HHAT: variants seen among roughly 807,000 people sequenced by gnomAD.
The protein encoded by HHAT is hedgehog acyltransferase, also known as protein-cysteine N-palmitoyltransferase HHAT.
In HHAT, 47 loss-of-function variants were observed where a neutral mutation model predicts 70.8. The ratio of observed to expected loss-of-function variants is 0.66; its 90% CI spans 0.53 to 0.85. The LOEUF (loss-of-function observed/expected upper bound fraction) is 0.85, where lower values mean the gene tolerates loss of function less well. Among genes scored for constraint, HHAT ranks in the 40% least tolerant of loss-of-function variants. The pLI, the probability that HHAT is intolerant of heterozygous loss-of-function variation, is 0.00. For synonymous variants in HHAT, 228 were observed against 247.6 expected, an observed-to-expected ratio of 0.92 and a Z score of 0.74; for missense variants, 609 against 604.8, an observed-to-expected ratio of 1.01 and a Z score of -0.07.
chr1:210,514,126 C>T (rs2095010130), intron 9 of HHAT, among the ~76,000 whole-genome samples: 2 of 152,266 alleles, frequency 1.3e-5, no homozygotes, highest in African/African-American at 2.4e-5. Flanking sequence ...TTGACATCAC[C>T]TTTATCCCCA....
At chr1:210,339,218 A>AT (rs112975981) in intron 1 of HHAT, among the ~76,000 whole-genome samples, 8 of 152,138 alleles carry the variant, frequency 5.3e-5, no homozygotes, top group East Asian at 1.9e-4. Flanking sequence ...TTGGGAACAT[A>AT]TTTTTTTTCC....
intron 9 of HHAT, among the ~76,000 whole-genome samples, chr1:210,566,284 A>G (rs1390123821): frequency 6.6e-6 from 1 of 152,166 alleles, no homozygotes; most frequent in Non-Finnish European, 1.5e-5. Context: ...TTAAGCATAT[A>G]GGTTATCTAT....
At chr1:210,556,126 C>T (rs911349527) in intron 9 of HHAT, among the ~76,000 whole-genome samples, 2 of 152,026 alleles carry the variant, frequency 1.3e-5, no homozygotes, top group African/African-American at 2.4e-5. Context: ...CTCCCCTTCT[C>T]GTGGTCTTTT....
At chr1:210,427,705 A>G (rs573550494) in intron 7 of HHAT, among the ~76,000 whole-genome samples, 1 of 151,964 alleles carries the variant, frequency 6.6e-6, no homozygotes, top group African/African-American at 2.4e-5. Flanking sequence ...TTTGCTGAGG[A>G]GTGTTTTCTG....
At chr1:210,535,682 C>T (rs969056291) in intron 9 of HHAT, among the ~76,000 whole-genome samples, 3 of 152,064 alleles carry the variant, frequency 2.0e-5, no homozygotes, top group Non-Finnish European at 2.9e-5. Context: ...TGTGTGCATG[C>T]GTGCATGCAT....
At chr1:210,401,162 T>C (rs1471330173) in intron 5 of HHAT, among the ~76,000 whole-genome samples, 1 of 152,214 alleles carries the variant, frequency 6.6e-6, no homozygotes, top group Non-Finnish European at 1.5e-5. Flanking sequence ...CACCCAGGGC[T>C]GAAGTGCAGT....
intron 8 of HHAT, among the ~76,000 whole-genome samples, chr1:210,501,106 G>A (rs1388072157): frequency 6.6e-6 from 1 of 152,174 alleles, no homozygotes; most frequent in Non-Finnish European, 1.5e-5. Flanking sequence ...TGGATTCATT[G>A]CATCACTTAT....
intron 6 of HHAT, among the ~76,000 whole-genome samples, chr1:210,410,626 A>G (rs1362544181): frequency 1.3e-5 from 2 of 149,520 alleles, no homozygotes; most frequent in Non-Finnish European, 3.0e-5. Context: ...TCCCAGGTTC[A>G]AGCGATTCTC....
chr1:210,400,448 A>G lies in HHAT; in HGVS notation c.274-20A>G, dbSNP rs749158815. On this transcript the variant is annotated intron_variant, in intron 4 of 11. Transcript: ENST00000261458. ...CCTCTTCCTCCCTGTCTCTCTCTGG[A>G]TGGGCCCCACCATTTGCAGCACAGA... 3 of 1,584,772 alleles carry G rather than the reference A, an allele frequency of 1.9e-6. No homozygotes were observed. Among genetic ancestry groups the G allele is most frequent in the South Asian group, 1.2e-5 (1 of 86,348 alleles).
chr1:210,633,181 C>T (rs182887599), intron 11 of HHAT, among the ~76,000 whole-genome samples: 595 of 152,262 alleles, frequency 3.9e-3, no homozygotes, highest in African/African-American at 0.014. Flanking sequence ...GGGAGAGGTA[C>T]TGAGATGGGC....
intron 3 of HHAT, among the ~76,000 whole-genome samples, chr1:210,386,510 T>C (rs1012739384): frequency 1.3e-5 from 2 of 151,992 alleles, no homozygotes; most frequent in South Asian, 4.2e-4. Context: ...AGTGCTGGGA[T>C]TACAGGCGTG....
intron 9 of HHAT, among the ~76,000 whole-genome samples, chr1:210,585,779 G>T (rs1660305654): frequency 1.3e-5 from 2 of 152,132 alleles, no homozygotes; most frequent in Non-Finnish European, 2.9e-5. Context: ...GGAGCAAGGT[G>T]GGGGTCATTG....
chr1:210,670,630 C>T (rs1423640900), intron 11 of HHAT, among the ~76,000 whole-genome samples: 1 of 152,142 alleles, frequency 6.6e-6, no homozygotes, highest in African/African-American at 2.4e-5. Context: ...TCTGTCATCA[C>T]AAATCTTACT....
chr1:210,371,829 G>A (rs1165010165), intron 3 of HHAT, among the ~76,000 whole-genome samples: 1 of 152,078 alleles, frequency 6.6e-6, no homozygotes, highest in African/African-American at 2.4e-5. Flanking sequence ...AACCCCAGTG[G>A]GCATATTCAC....
At chr1:210,476,999 T>C (rs1000334712) in intron 8 of HHAT, among the ~76,000 whole-genome samples, 1 of 152,234 alleles carries the variant, frequency 6.6e-6, no homozygotes, top group Admixed American at 6.5e-5. Flanking sequence ...ACTGTAAATA[T>C]GTTTGAATAT....
At chr1:210,389,095 A>C (rs2091279750) in intron 4 of HHAT, among the ~76,000 whole-genome samples, 1 of 152,356 alleles carries the variant, frequency 6.6e-6, no homozygotes, top group East Asian at 1.9e-4. Context: ...CATAAAACTG[A>C]GTAATTTTAT....
At chr1:210,510,388 A>G (rs10863837) in intron 8 of HHAT, among the ~76,000 whole-genome samples, 78,602 of 152,012 alleles carry the variant, frequency 0.52, 20,561 homozygotes, top group East Asian at 0.57. Flanking sequence ...AGCCATCCAG[A>G]CACAAAAGCA....
chr1:210,445,792 C>G (rs1023015024), intron 7 of HHAT, among the ~76,000 whole-genome samples: 3 of 151,984 alleles, frequency 2.0e-5, no homozygotes, highest in African/African-American at 7.3e-5. Context: ...CCTGCCCCAC[C>G]CTTCTCTATT....
chr1:210,572,667 G>C (rs1465919294), intron 9 of HHAT, among the ~76,000 whole-genome samples: 1 of 152,168 alleles, frequency 6.6e-6, no homozygotes, highest in African/African-American at 2.4e-5. Context: ...GCCAAGGTGG[G>C]AGGATTGCTT....
Sources: gnomAD v4.1 joint callset for allele counts (sites outside exome capture counted in the v4.1 genomes callset) on GRCh38, gnomAD v4.1.1 for gene constraint, MANE v1.5 for transcripts, NCBI Gene and HGNC (gene_info 2026-07-23, HGNC 2026-07-21) for gene names.